Variants in TRAF3 observed in about 807,000 individuals in gnomAD.
TRAF3 encodes the protein TNF receptor associated factor 3, also known as TNF receptor-associated factor 3.
A neutral mutation model predicts 62.3 loss-of-function variants in TRAF3; 13 were observed. The observed-to-expected ratio is 0.21, with a 90% confidence interval of 0.14 to 0.33. TRAF3 has a LOEUF of 0.33. Among genes scored for constraint, TRAF3 ranks in the 10% least tolerant of loss-of-function variants. TRAF3 has a pLI of 1.00. For synonymous variants in TRAF3, 269 were observed against 283.4 expected, an observed-to-expected ratio of 0.95 and a Z score of 0.51; for missense variants, 440 against 741.8, an observed-to-expected ratio of 0.59 and a Z score of 4.73.
intron 6 of TRAF3, 58 bp from the exon 7 acceptor site, chr14:102,886,131 G>T: frequency 1.3e-6 from 2 of 1,581,190 alleles, no homozygotes; most frequent in South Asian, 1.1e-5. Context: ...GGATCTCAGC[G>T]GGACTGAAGG....
chr14:102,911,377 G>A lies in TRAF3; in HGVS notation c.*5593G>A, dbSNP rs1890860176. ...TTTATTTGGTATTTATTTGTGTTTT[G>A]AGGTCTTGCAATGTTTTTGTGTTTC... On this transcript the variant is annotated 3_prime_UTR_variant, in exon 12 of 12. Transcript: ENST00000392745. The A allele has an allele frequency of 6.6e-6, 1 of 152,190 alleles. No individual in the cohort carries two copies. The highest frequency in any genetic ancestry group is 2.4e-5 in the African/African-American group (1 of 41,438). The allele number at this position is 152,190 out of a possible 1,614,324, so 9.4% of individuals were successfully genotyped here. A position where few individuals can be genotyped will look rare whatever the true frequency, so the allele number is the denominator to read the frequency against.
At chr14:102,846,429 GCTT>G (rs1886725099) in intron 2 of TRAF3, among the ~76,000 whole-genome samples, 1 of 152,076 alleles carries the variant, frequency 6.6e-6, no homozygotes, top group Non-Finnish European at 1.5e-5. Flanking sequence ...ATTTTCATCT[GCTT>G]CTGGTTTTTA....
intron 6 of TRAF3, among the ~76,000 whole-genome samples, chr14:102,883,700 C>T (rs1889199135): frequency 6.6e-6 from 1 of 152,174 alleles, no homozygotes. Flanking sequence ...ATTTTCCTGC[C>T]TCAGCCTCAC....
At chr14:102,849,701 G>C (rs542545816) in intron 2 of TRAF3, among the ~76,000 whole-genome samples, 1 of 152,276 alleles carries the variant, frequency 6.6e-6, no homozygotes, top group East Asian at 1.9e-4. Flanking sequence ...CCTGTTACTT[G>C]CCCAGGATGC....
At chr14:102,814,377 C>T (rs533889532) in intron 1 of TRAF3, among the ~76,000 whole-genome samples, 1 of 152,286 alleles carries the variant, frequency 6.6e-6, no homozygotes, top group South Asian at 2.1e-4. Context: ...AGTGTGATAC[C>T]TCCAGCTCTG....
At chr14:102,803,150 T>G (rs757202199) in intron 1 of TRAF3, among the ~76,000 whole-genome samples, 5 of 152,170 alleles carry the variant, frequency 3.3e-5, no homozygotes, top group Admixed American at 6.5e-5. Context: ...AAAATGAGAT[T>G]TGGGTAGAGA....
intron 1 of TRAF3, among the ~76,000 whole-genome samples, chr14:102,816,787 T>A (rs1033761741): frequency 2.6e-5 from 4 of 152,200 alleles, no homozygotes; most frequent in African/African-American, 9.7e-5. Context: ...TGACTGACAC[T>A]GTGGATGGGT....
At chr14:102,858,655 A>G (rs1477027413) in intron 2 of TRAF3, among the ~76,000 whole-genome samples, 1 of 152,240 alleles carries the variant, frequency 6.6e-6, no homozygotes, top group Non-Finnish European at 1.5e-5. Flanking sequence ...CTTTTGTGGC[A>G]TACGATTTTA....
intron 10 of TRAF3, among the ~76,000 whole-genome samples, chr14:102,901,700 T>C (rs891008424): frequency 1.3e-5 from 2 of 152,268 alleles, no homozygotes; most frequent in African/African-American, 2.4e-5. Flanking sequence ...ACTAATATCA[T>C]GTTTCTTGGA....
chr14:102,897,199 ATTG>A (rs1890049646), intron 9 of TRAF3, 59 bp from the exon 10 acceptor site: 11 of 1,467,856 alleles, frequency 7.5e-6, no homozygotes, highest in South Asian at 7.2e-5. Flanking sequence ...TTTAATTGAT[ATTG>A]TTGTTAATTA....
chr14:102,869,779 C>T (rs1029041313), intron 2 of TRAF3, among the ~76,000 whole-genome samples: 17 of 150,434 alleles, frequency 1.1e-4, no homozygotes, highest in African/African-American at 4.2e-4. Context: ...GCACTCCAGC[C>T]TGGGCAACAG....
chr14:102,823,399 C>A (rs1454641810), intron 1 of TRAF3, among the ~76,000 whole-genome samples: 1 of 152,028 alleles, frequency 6.6e-6, no homozygotes, highest in Non-Finnish European at 1.5e-5. Flanking sequence ...CATAGCGACA[C>A]CTCTCCCTCA....
chr14:102,834,547 C>CGTG (rs908482583), intron 2 of TRAF3, among the ~76,000 whole-genome samples: 2 of 151,712 alleles, frequency 1.3e-5, no homozygotes, highest in African/African-American at 4.8e-5. Flanking sequence ...ATTAGCCGGG[C>CGTG]GTGGTGGCGG....
intron 2 of TRAF3, among the ~76,000 whole-genome samples, chr14:102,833,494 C>T (rs1434743288): frequency 6.6e-6 from 1 of 152,122 alleles, no homozygotes; most frequent in Non-Finnish European, 1.5e-5. Flanking sequence ...CTCATGCAAG[C>T]GAACACCCAT....
intron 1 of TRAF3, among the ~76,000 whole-genome samples, chr14:102,812,888 C>T (rs187742178): frequency 1.1e-3 from 167 of 151,828 alleles, no homozygotes; most frequent in Non-Finnish European, 1.5e-3. Context: ...CACTGCAGTC[C>T]GGCCTGGGCG....
chr14:102,850,528 C>T (rs1886970451), intron 2 of TRAF3, among the ~76,000 whole-genome samples: 1 of 151,854 alleles, frequency 6.6e-6, no homozygotes, highest in Admixed American at 6.6e-5. Flanking sequence ...GAAACCCTGT[C>T]TCTACTAAAA....
In TRAF3 at chr14:102,891,033, T is replaced by G. The variant is rs1889681575; in HGVS notation, c.727-292T>G. 1.3e-5 allele frequency among the ~76,000 whole-genome samples: 2 copies of G among 152,220 alleles called. 1 individual carries two copies. The highest frequency in any genetic ancestry group is 4.1e-4 in the South Asian group (2 of 4,830). Reference sequence around the variant, plus strand: ...TTCTTGATATTACAAGTGTCAACCCTTGATAAGAAGCCACTTGAGATGAGC... The same window carrying G: ...TTCTTGATATTACAAGTGTCAACCCGTGATAAGAAGCCACTTGAGATGAGC... On this transcript the variant is annotated intron_variant, in intron 8 of 11. Coordinates refer to ENST00000392745, the MANE Select transcript of TRAF3 (RefSeq NM_145725.3).
intron 1 of TRAF3, among the ~76,000 whole-genome samples, chr14:102,794,774 G>A (rs961608271): frequency 1.3e-5 from 2 of 152,150 alleles, no homozygotes; most frequent in Admixed American, 1.3e-4. Context: ...AGTACATTCT[G>A]TGTTCTGAAT....
intron 1 of TRAF3, among the ~76,000 whole-genome samples, chr14:102,807,534 C>T (rs781366963): frequency 2.6e-5 from 4 of 152,190 alleles, no homozygotes; most frequent in Non-Finnish European, 5.9e-5. Context: ...CTCAAGCAGT[C>T]CTCTTGCTTT....
Sources: allele counts gnomAD v4.1 joint callset (sites outside exome capture counted in the v4.1 genomes callset), GRCh38; gene constraint gnomAD v4.1.1; transcripts MANE v1.5; gene names NCBI Gene and HGNC (gene_info 2026-07-23, HGNC 2026-07-21).